The following NFIB variants were observed in gnomAD, a reference collection of about 807,000 sequenced individuals.
NFIB encodes nuclear factor 1 B-type.
Under a neutral mutation model 61.5 loss-of-function variants are expected in NFIB, and 11 were observed. The observed-to-expected ratio is 0.18, with a 90% CI of 0.11 to 0.30. The LOEUF (loss-of-function observed/expected upper bound fraction) is 0.30, where lower values mean the gene tolerates loss of function less well. Among genes scored for constraint, NFIB ranks in the 10% least tolerant of loss-of-function variants. NFIB has a pLI of 1.00. For synonymous variants in NFIB, 260 were observed against 216.5 expected (o/e 1.20, Z -1.76); for missense variants, 471 against 608.9 (o/e 0.77, Z 2.38).
chr9:14,393,929 G>A (rs1209358564), intron 1 of NFIB, among the ~76,000 whole-genome samples: 1 of 152,170 alleles, frequency 6.6e-6, no homozygotes, highest in Non-Finnish European at 1.5e-5. Flanking sequence ...TACAGAAATG[G>A]TTATCCCAAC....
chr9:14,452,972 T>C, the NFIB span, among the ~76,000 whole-genome samples: 1 of 152,220 alleles, frequency 6.6e-6, no homozygotes, highest in East Asian at 1.9e-4. Flanking sequence ...TGAAAGTATT[T>C]GGAATGTGAT....
chr9:14,174,137 G>C (rs1024451097), intron 3 of NFIB, among the ~76,000 whole-genome samples: 2 of 151,970 alleles, frequency 1.3e-5, no homozygotes, highest in African/African-American at 4.8e-5. Flanking sequence ...AAACAAGTTA[G>C]AGGATAAAGA....
intron 1 of NFIB, among the ~76,000 whole-genome samples, chr9:14,327,041 C>CA: frequency 6.6e-6 from 1 of 151,992 alleles, no homozygotes; most frequent in African/African-American, 2.4e-5. Context: ...GTGTTTTCTG[C>CA]AAAAAATTTC....
chr9:14,531,113 G>A, the NFIB span, among the ~76,000 whole-genome samples: 1 of 152,176 alleles, frequency 6.6e-6, no homozygotes, highest in Admixed American at 6.5e-5. Flanking sequence ...GATGTGAAAG[G>A]TTTTCTTTCC....
At chr9:14,487,276 T>C in the NFIB span, among the ~76,000 whole-genome samples, 1 of 152,244 alleles carries the variant, frequency 6.6e-6, no homozygotes, top group Non-Finnish European at 1.5e-5. Flanking sequence ...ACATTTATAT[T>C]GCTGCCTTTC....
the NFIB span, among the ~76,000 whole-genome samples, chr9:14,524,510 T>C: frequency 1.3e-5 from 2 of 152,174 alleles, no homozygotes; most frequent in East Asian, 3.9e-4. Context: ...TAAGAGTCTT[T>C]TGTGGTACAA....
the NFIB span, among the ~76,000 whole-genome samples, chr9:14,483,885 T>C: frequency 1.3e-5 from 2 of 152,236 alleles, no homozygotes. Flanking sequence ...AACACTTGCC[T>C]GAAAACACAT....
Position 14,207,668 on chromosome 9 carries a change from C to T in NFIB, c.563-27888G>A, listed in dbSNP as rs527908294. ...CTCCCACCAAAGTCCTGAAGCTTCA[C>T]CACAGGATCAAGTAATCCCCCTCTA... On this transcript the variant is annotated intron_variant, in intron 2 of 10. Transcript: ENST00000380953. Among the ~76,000 whole-genome samples the T allele has an allele frequency of 6.8e-4, 103 of 151,646 alleles. 1 individual carries two copies. In the South Asian group the frequency reaches 9.3e-3, roughly 14 times the overall value.
the NFIB span, among the ~76,000 whole-genome samples, chr9:14,480,646 G>A: frequency 6.6e-6 from 1 of 152,122 alleles, no homozygotes; most frequent in Non-Finnish European, 1.5e-5. Context: ...CCTAATCAAT[G>A]TAGCCGTTGA....
At chr9:14,405,161 G>C in the NFIB span, among the ~76,000 whole-genome samples, 54 of 152,316 alleles carry the variant, frequency 3.5e-4, no homozygotes, top group East Asian at 9.3e-3. Flanking sequence ...TCAACTATCA[G>C]CTGGCTGGTG....
At chr9:14,436,848 T>C in the NFIB span, among the ~76,000 whole-genome samples, 1 of 152,202 alleles carries the variant, frequency 6.6e-6, no homozygotes, top group Non-Finnish European at 1.5e-5. Flanking sequence ...AAAACAGAAA[T>C]GGATCATGAT....
At chr9:14,499,408 C>A in the NFIB span, among the ~76,000 whole-genome samples, 1 of 152,100 alleles carries the variant, frequency 6.6e-6, no homozygotes, top group East Asian at 1.9e-4. Flanking sequence ...GAGGTGGCGT[C>A]TCACATGGTA....
At chr9:14,375,238 G>A (rs2061404357) in intron 1 of NFIB, among the ~76,000 whole-genome samples, 1 of 152,160 alleles carries the variant, frequency 6.6e-6, no homozygotes, top group African/African-American at 2.4e-5. Flanking sequence ...TGCTCTTCCA[G>A]TCTTAGGCCA....
At chr9:14,226,551 A>G (rs926982919) in intron 2 of NFIB, among the ~76,000 whole-genome samples, 11 of 121,484 alleles carry the variant, frequency 9.1e-5, no homozygotes, top group African/African-American at 2.6e-4. Context: ...CTATCTCAGA[A>G]AAAAAAAAAA....
At chr9:14,407,345 A>T in the NFIB span, among the ~76,000 whole-genome samples, 1 of 152,166 alleles carries the variant, frequency 6.6e-6, no homozygotes, top group Non-Finnish European at 1.5e-5. Context: ...TGCAAATCAG[A>T]CTGTTTTTGA....
At chr9:14,508,981 G>A in the NFIB span, among the ~76,000 whole-genome samples, 2 of 152,296 alleles carry the variant, frequency 1.3e-5, no homozygotes, top group Non-Finnish European at 2.9e-5. Context: ...AGAGCAATGA[G>A]AATGAAGGTG....
chr9:14,285,905 C>T (rs2058678670), intron 2 of NFIB, among the ~76,000 whole-genome samples: 1 of 151,084 alleles, frequency 6.6e-6, no homozygotes, highest in African/African-American at 2.5e-5. Context: ...GAAATGGAGC[C>T]TCTGGGACTT....
the NFIB span, among the ~76,000 whole-genome samples, chr9:14,468,421 A>G: frequency 6.6e-6 from 1 of 152,200 alleles, no homozygotes; most frequent in Non-Finnish European, 1.5e-5. Flanking sequence ...CGTAACATAA[A>G]CACAAAAAAT....
At chr9:14,372,246 GC>G (rs1319734459) in intron 1 of NFIB, among the ~76,000 whole-genome samples, 1 of 151,976 alleles carries the variant, frequency 6.6e-6, no homozygotes, top group Admixed American at 6.6e-5. Context: ...TTATGAACTG[GC>G]CTCTATAAAC....
Sources: allele counts gnomAD v4.1 joint callset (sites outside exome capture counted in the v4.1 genomes callset), GRCh38; gene constraint gnomAD v4.1.1; transcripts MANE v1.5; gene names NCBI Gene and HGNC (gene_info 2026-07-23, HGNC 2026-07-21).